The following EVC2 variants were observed in gnomAD, a reference collection of about 807,000 sequenced individuals.
EVC2 encodes the protein limbin.
A neutral mutation model predicts 149.3 loss-of-function variants in EVC2; 148 were observed. The observed-to-expected ratio is 0.99, with a 90% CI of 0.87 to 1.14. The LOEUF (loss-of-function observed/expected upper bound fraction) is 1.14. Among genes scored for constraint, EVC2 ranks in the 50% most tolerant of loss-of-function variants. The probability of loss-of-function intolerance (pLI) is 0.00; values close to 1 mark genes in which losing one functional copy is unlikely to be tolerated. For missense variants in EVC2, 1,854 were observed against 1,627.3 expected, an observed-to-expected ratio of 1.14 and a Z score of -2.40; for synonymous variants, 776 against 649.9, an observed-to-expected ratio of 1.19 and a Z score of -2.95.
At chr4:5,587,474 T>C (rs544131317) in intron 16 of EVC2, among the ~76,000 whole-genome samples, 1 of 152,368 alleles carries the variant, frequency 6.6e-6, no homozygotes, top group East Asian at 1.9e-4. Flanking sequence ...TTCCATTGGA[T>C]GGACAATCAG....
chr4:5,594,683 G>A (rs1042248010), intron 16 of EVC2, among the ~76,000 whole-genome samples: 8 of 152,206 alleles, frequency 5.3e-5, no homozygotes, highest in Non-Finnish European at 7.3e-5. Flanking sequence ...CCAAAGGAAC[G>A]CAGCTCCTCA....
chr4:5,602,825 G>T lies in EVC2; in HGVS notation c.2829+12597C>A, dbSNP rs116752691. ...TTATAAAGGAAATAGATAGGAAAAG[G>T]AAATAGATAATCCCAAATTACAGAA... On this transcript the variant is annotated intron_variant, in intron 16 of 21. Transcript: ENST00000344408. Among the ~76,000 whole-genome samples the T allele has an allele frequency of 2.1e-3, 316 of 152,274 alleles. 2 individuals are homozygous for T. The highest frequency in any genetic ancestry group is 7.3e-3 in the African/African-American group (303 of 41,566).
chr4:5,708,619 G>A (rs1011439137), upstream of EVC2: 19 of 816,516 alleles, frequency 2.3e-5, no homozygotes, highest in Non-Finnish European at 3.3e-5. Context: ...GCGAGCCGCC[G>A]CCGAAAGTTT....
chr4:5,640,377 G>T lies in EVC2; in HGVS notation c.1470+137C>A. The T allele has an allele frequency of 9.9e-7, 1 of 1,005,122 alleles. No individual in the cohort carries two copies. The highest frequency in any genetic ancestry group is 1.6e-6 in the Non-Finnish European group (1 of 632,954). 62.3% of individuals were successfully genotyped at this position (1,005,122 alleles called of 1,614,324 possible). A position where few individuals can be genotyped will look rare whatever the true frequency, so the allele number is the denominator to read the frequency against. On this transcript the variant is annotated intron_variant, in intron 10 of 21. Transcript: ENST00000344408. The surrounding 1 kb of genome is among the most constrained non-coding windows in gnomAD (Gnocchi z 4.6). ...GGATGAATGAATGGAAGGATGAATAGATGAATGAGTGGGTGGTTGGATGGA... is the reference window on the plus strand; with the variant it reads ...GGATGAATGAATGGAAGGATGAATATATGAATGAGTGGGTGGTTGGATGGA...
chr4:5,579,164 G>T (rs940828813), intron 17 of EVC2, among the ~76,000 whole-genome samples: 5 of 152,100 alleles, frequency 3.3e-5, no homozygotes, highest in African/African-American at 1.2e-4. Flanking sequence ...CCGTGCAGGG[G>T]GGTAACTAGA....
Position 5,569,578 on chromosome 4 carries a change from G to A in EVC2, c.3361-938C>T, listed in dbSNP as rs1722524027. Among the ~76,000 whole-genome samples the A allele has an allele frequency of 6.6e-6, 1 of 152,084 alleles. No individual in the cohort carries two copies. The highest frequency in any genetic ancestry group is 6.5e-5 in the Admixed American group (1 of 15,290). On this transcript the variant is annotated intron_variant, in intron 19 of 21. Coordinates refer to ENST00000344408, the MANE Select transcript of EVC2 (RefSeq NM_147127.5). The surrounding 1 kb of genome is among the most constrained non-coding windows in gnomAD (Gnocchi z 4.8). ...CAGCTGGAGAGGAAAAGAGGCCCCAGGACAGAGCTATTGGGTGCCCAAAGG... is the reference window on the plus strand; with the variant it reads ...CAGCTGGAGAGGAAAAGAGGCCCCAAGACAGAGCTATTGGGTGCCCAAAGG...
rs767341100 is a variant in EVC2 at position 5,694,389 on chromosome 4, G to A, written c.396C>T (p.Pro132=). ...PWAHSLFAFI[P]SWPKKNLFKR... ...TAAATAAGTTCTTCTTAGGCCAGGA[G>A]GGTATAAAAGCAAATAAGGAATGAG... Residue 132 remains proline, a synonymous_variant, in exon 3 of 22, where the codon CCC becomes CCT. Transcript: ENST00000344408. 1.2e-6 allele frequency: 2 copies of A among 1,614,160 alleles called. No individual in the cohort carries two copies. Among genetic ancestry groups the A allele is most frequent in the Non-Finnish European group, 1.7e-6 (2 of 1,180,022 alleles).
At chr4:5,580,969 C>T (rs1029633903) in intron 17 of EVC2, among the ~76,000 whole-genome samples, 31 of 152,090 alleles carry the variant, frequency 2.0e-4, no homozygotes, top group African/African-American at 7.5e-4. Context: ...TGTGTAGCAC[C>T]TCCTCCATTC....
intron 1 of EVC2, among the ~76,000 whole-genome samples, chr4:5,707,400 C>A (rs1021143810): frequency 1.3e-5 from 2 of 152,064 alleles, no homozygotes; most frequent in Non-Finnish European, 2.9e-5. Flanking sequence ...GGTGGGAGGA[C>A]CTCAGGGCAG....
chr4:5,573,799 C>A (rs1722766614), intron 19 of EVC2, among the ~76,000 whole-genome samples: 1 of 152,200 alleles, frequency 6.6e-6, no homozygotes. Context: ...TTCCTGCTGA[C>A]TCCCTTCTTA....
At chr4:5,624,305 A>G (rs1420126612) in intron 13 of EVC2, among the ~76,000 whole-genome samples, 1 of 152,234 alleles carries the variant, frequency 6.6e-6, no homozygotes, top group African/African-American at 2.4e-5. Context: ...TTAAGAACTC[A>G]ATAAATATTA....
rs1722505297 is a variant in EVC2 at position 5,569,256 on chromosome 4, G to A, written c.3361-616C>T. Reference sequence around the variant, plus strand: ...GTGTGGGGCAGGGGAGGTGGGTGTGGCCTTAAAGGGGCAGCCCAGGGTGGC... The same window carrying A: ...GTGTGGGGCAGGGGAGGTGGGTGTGACCTTAAAGGGGCAGCCCAGGGTGGC... On this transcript the variant is annotated intron_variant, in intron 19 of 21. Coordinates refer to ENST00000344408, the MANE Select transcript of EVC2 (RefSeq NM_147127.5). The surrounding 1 kb of genome is among the most constrained non-coding windows in gnomAD (Gnocchi z 4.8). Among the ~76,000 whole-genome samples the A allele has an allele frequency of 6.6e-6, 1 of 152,178 alleles. No individual in the cohort carries two copies. Among genetic ancestry groups the A allele is most frequent in the Non-Finnish European group, 1.5e-5 (1 of 68,030 alleles).
chr4:5,586,431 C>T (rs1303400274), intron 16 of EVC2, among the ~76,000 whole-genome samples: 1 of 152,116 alleles, frequency 6.6e-6, no homozygotes, highest in Non-Finnish European at 1.5e-5. Flanking sequence ...TCTGAATGGA[C>T]CACTCCTCTC....
intron 16 of EVC2, among the ~76,000 whole-genome samples, chr4:5,592,544 T>C (rs973352484): frequency 6.6e-6 from 1 of 152,180 alleles, no homozygotes; most frequent in South Asian, 2.1e-4. Flanking sequence ...TTTAAAATAA[T>C]AATTGGTTGC....
chr4:5,565,576 G>A (rs1722226565), intron 20 of EVC2, among the ~76,000 whole-genome samples: 1 of 151,512 alleles, frequency 6.6e-6, no homozygotes, highest in African/African-American at 2.4e-5. Context: ...GGAGGCTGAG[G>A]CAGAAAGAAT....
chr4:5,703,132 C>T (rs953468463), intron 1 of EVC2, among the ~76,000 whole-genome samples: 1 of 152,178 alleles, frequency 6.6e-6, no homozygotes, highest in Non-Finnish European at 1.5e-5. Flanking sequence ...TTACCATAGG[C>T]TAGTTAATAC....
chr4:5,697,761 T>TC, intron 1 of EVC2, 114 bp from the exon 2 acceptor site: 2 of 938,974 alleles, frequency 2.1e-6, no homozygotes, highest in Non-Finnish European at 3.3e-6. Flanking sequence ...TTTTTTTTTT[T>TC]CTGAGACAGA....
the EVC2 span, among the ~76,000 whole-genome samples, chr4:5,529,853 G>A: frequency 8.6e-6 from 1 of 116,598 alleles, no homozygotes; most frequent in Admixed American, 1.0e-4. The surrounding 1 kb of genome is among the most constrained non-coding windows in gnomAD (Gnocchi z 4.5). Context: ...TCTCACTATT[G>A]TCACCCAGGC....
intron 21 of EVC2, among the ~76,000 whole-genome samples, chr4:5,546,621 C>T (rs548053967): frequency 1.6e-3 from 243 of 151,646 alleles, no homozygotes; most frequent in African/African-American, 5.3e-3. Flanking sequence ...TGCTAAATGA[C>T]GAGTTAGTGG....
Sources: gnomAD v4.1 joint callset for allele counts (sites outside exome capture counted in the v4.1 genomes callset) on GRCh38, gnomAD v4.1.1 for gene constraint, Gnocchi (gnomAD v3.1) non-coding constraint, MANE v1.5 for transcripts, NCBI Gene and HGNC (gene_info 2026-07-23, HGNC 2026-07-21) for gene names.